The following MRE11 variants were observed in gnomAD, a reference collection of about 807,000 sequenced individuals.
The protein encoded by MRE11 is double-strand break repair protein MRE11.
MRE11 carries 62 observed loss-of-function variants against 91.7 expected under a neutral mutation model. The ratio of observed to expected loss-of-function variants is 0.68; its 90% CI spans 0.55 to 0.84. The LOEUF is 0.84. MRE11 is among the 40% of genes least tolerant of loss of function. The pLI is 0.00. For synonymous variants in MRE11, 273 were observed against 271.4 expected (o/e 1.01, Z -0.06); for missense variants, 796 against 852.9 (o/e 0.93, Z 0.83).
chr11:94,495,024 CTGAT>C (rs1003755171), upstream of MRE11, among the ~76,000 whole-genome samples: 3 of 152,120 alleles, frequency 2.0e-5, no homozygotes, highest in African/African-American at 7.2e-5. Context: ...AAGGGTGTCT[CTGAT>C]TGGGTGACTG....
chr11:94,441,227 TCACTTTCTTTATA>T (rs1340602254), intron 16 of MRE11, among the ~76,000 whole-genome samples: 2 of 152,196 alleles, frequency 1.3e-5, no homozygotes, highest in African/African-American at 2.4e-5. Flanking sequence ...GAATAAAAAG[TCACTTTCTTTATA>T]CCACACCTTG....
chr11:94,490,843 T>A lies in MRE11; in HGVS notation c.143A>T (p.Gln48Leu). 6.2e-7 allele frequency: 1 copy of A among 1,613,722 alleles called. No homozygotes were observed. Among genetic ancestry groups the A allele is most frequent in the Non-Finnish European group, 8.5e-7 (1 of 1,179,802 alleles). ...VTLDEILRLA[Q>L]ENEVDFILLG... is the part of the protein sequence containing the mutation. ...ACAAACCACACTCACTTCATTTTCC[T>A]GGGCAAGTCTTAAAATTTCATCGAG... Residue 48 changes from glutamine to leucine, a missense_variant, in exon 3 of 20, where the codon CAG (glutamine) becomes CTG (leucine). Transcript: ENST00000323929.
chr11:94,481,414 C>G (rs573721129), intron 4 of MRE11, among the ~76,000 whole-genome samples: 1 of 152,218 alleles, frequency 6.6e-6, no homozygotes, highest in South Asian at 2.1e-4. Context: ...CTTGAAAGAA[C>G]TGCTTATTGG....
At chr11:94,504,049 C>T in the MRE11 span, among the ~76,000 whole-genome samples, 1 of 152,080 alleles carries the variant, frequency 6.6e-6, no homozygotes, top group African/African-American at 2.4e-5. Flanking sequence ...AAAACATGAA[C>T]TCATTTATAG....
rs553347934 is a variant in MRE11, at chr11:94,447,594, C to T, written c.1564-156G>A. On this transcript the variant is annotated intron_variant, in intron 14 of 19. Transcript: ENST00000323929. ...CTGTAATCTCAGCACTTTGGGAGGC[C>T]GAGGCGGGAGGATCACTTGCACCCA... 1.3e-3 allele frequency among the ~76,000 whole-genome samples: 186 copies of T among 147,420 alleles called. 1 individual carries two copies. Among genetic ancestry groups the T allele is most frequent in the African/African-American group, 4.7e-3 (185 of 39,532 alleles).
chr11:94,475,406 A>G, intron 7 of MRE11: 1 of 330,054 alleles, frequency 3.0e-6, no homozygotes, highest in Non-Finnish European at 6.0e-6. Flanking sequence ...TAGGTCCTGG[A>G]CCGAACACCC....
In MRE11 at chr11:94,421,780, C is replaced by T. The variant is rs986776595; in HGVS notation, c.2071-1599G>A. On this transcript the variant is annotated intron_variant, in intron 19 of 19. Coordinates refer to ENST00000323929, the MANE Select transcript of MRE11 (RefSeq NM_005591.4). ...ACGTAGATAAACCTTCAGGTACTTA[C>T]GCTATGTGAAATAAGCCAGTCACAA... Among the ~76,000 whole-genome samples the T allele has an allele frequency of 5.3e-5, 8 of 152,266 alleles. No homozygotes were observed. The East Asian group carries it at 1.2e-3, about 22-fold the overall frequency.
the MRE11 span, among the ~76,000 whole-genome samples, chr11:94,500,793 C>A: frequency 0.56 from 85,500 of 151,952 alleles, 24,171 homozygotes; most frequent in East Asian, 0.6. Context: ...ATACTACAAT[C>A]TGAAGACATT....
At position 94,456,315 on chromosome 11, in the gene MRE11, T is replaced by C; in HGVS notation, c.1524A>G (p.Arg508=). 6.2e-7 allele frequency: 1 copy of C among 1,613,636 alleles called. No individual in the cohort carries two copies. The highest frequency in any genetic ancestry group is 8.5e-7 in the Non-Finnish European group (1 of 1,179,812). The change falls in exon 14 of 20, where the codon AGA becomes AGG. Residue 508 remains arginine (R), a synonymous_variant. Coordinates refer to ENST00000323929, the MANE Select transcript of MRE11 (RefSeq NM_005591.4). The stretch of plus-strand genomic sequence containing the variant: ...CATCTTCTTCATTAGTATTTTTTTG[T>C]CTGGTTTCTCTGAAACGACGTACCT... The part of the protein sequence containing the change: ...DEEVRRFRET[R]QKNTNEEDDE...
intron 14 of MRE11, among the ~76,000 whole-genome samples, chr11:94,451,026 G>C (rs1257411105): frequency 7.0e-6 from 1 of 142,278 alleles, no homozygotes; most frequent in African/African-American, 2.8e-5. Context: ...AGGTGTAGAA[G>C]CTCACATCTA....
chr11:94,421,281 A>C (rs1024735750), intron 19 of MRE11, among the ~76,000 whole-genome samples: 2 of 151,994 alleles, frequency 1.3e-5, no homozygotes, highest in African/African-American at 4.8e-5. Flanking sequence ...ATTAAAAGAA[A>C]TTATTTGATG....
upstream of MRE11, among the ~76,000 whole-genome samples, chr11:94,494,525 T>C (rs1414968503): frequency 6.6e-6 from 1 of 152,144 alleles, no homozygotes; most frequent in Non-Finnish European, 1.5e-5. Context: ...ATCACTGAGT[T>C]GTTTGTAAGG....
At chr11:94,501,173 G>A in the MRE11 span, among the ~76,000 whole-genome samples, 2 of 152,146 alleles carry the variant, frequency 1.3e-5, no homozygotes, top group Non-Finnish European at 2.9e-5. Flanking sequence ...AAACCAAGAA[G>A]GATTAAGTGT....
chr11:94,439,791 A>G (rs1945724375), intron 16 of MRE11, among the ~76,000 whole-genome samples: 1 of 152,228 alleles, frequency 6.6e-6, no homozygotes, highest in African/African-American at 2.4e-5. Flanking sequence ...TAAAGATGAA[A>G]AACTTAACAT....
intron 14 of MRE11, among the ~76,000 whole-genome samples, chr11:94,453,844 C>T (rs936999806): frequency 4.0e-5 from 6 of 150,782 alleles, no homozygotes; most frequent in Non-Finnish European, 7.4e-5. Flanking sequence ...TGAGGTAGAA[C>T]ATAAGAAATC....
Position 94,420,169 on chromosome 11 carries a change from C to T in MRE11, c.2083G>A (p.Asp695Asn), listed in dbSNP as rs758957788. Residue 695 changes from aspartate to asparagine, a missense_variant, in exon 20 of 20, where the codon GAT (aspartate) becomes AAT (asparagine). Physicochemically the swap from Asp to Asn is conservative, Grantham distance 23. Coordinates refer to ENST00000323929, the MANE Select transcript of MRE11 (RefSeq NM_005591.4). Reference sequence around the variant, plus strand: ...AAAGAACTAGTGTTCATAAAAGGATCATCATCATCATCCTGAAATGAGATA... The same window carrying T: ...AAAGAACTAGTGTTCATAAAAGGATTATCATCATCATCCTGAAATGAGATA... ...DFESSEDDDD[D>N]PFMNTSSLRR... 1.9e-6 allele frequency: 3 copies of T among 1,568,844 alleles called. No individual in the cohort carries two copies. Among genetic ancestry groups the T allele is most frequent in the South Asian group, 1.1e-5 (1 of 89,902 alleles).
At chr11:94,471,531 G>A (rs765303178) in intron 8 of MRE11, 43 bp downstream of exon 8, 2 of 1,586,246 alleles carry the variant, frequency 1.3e-6, no homozygotes, top group East Asian at 4.5e-5. Context: ...AGTTATTATA[G>A]CAAAGATTTC....
intron 7 of MRE11, among the ~76,000 whole-genome samples, chr11:94,472,570 G>A (rs370200151): frequency 3.9e-5 from 6 of 152,094 alleles, no homozygotes; most frequent in South Asian, 4.1e-4. Flanking sequence ...AACAAGCAAT[G>A]CAGGTTGAGT....
intron 12 of MRE11, 138 bp downstream of exon 12, chr11:94,460,798 A>T: frequency 1.4e-6 from 1 of 737,910 alleles, no homozygotes; most frequent in Non-Finnish European, 2.3e-6. Flanking sequence ...AAATGAATGT[A>T]ATTAATTGTC....
Sources: allele counts gnomAD v4.1 joint callset (sites outside exome capture counted in the v4.1 genomes callset), GRCh38; gene constraint gnomAD v4.1.1; transcripts MANE v1.5; gene names NCBI Gene and HGNC (gene_info 2026-07-23, HGNC 2026-07-21).